Variants in CDH2 observed in about 807,000 individuals in gnomAD.
CDH2 encodes the protein cadherin-2.
A neutral mutation model predicts 92.0 loss-of-function variants in CDH2; 17 were observed. The observed-to-expected ratio is 0.18, with a 90% CI of 0.13 to 0.28. The LOEUF is 0.28. Ranked by LOEUF, CDH2 falls within the 10% of genes least tolerant of loss-of-function variation. The pLI, the probability that CDH2 is intolerant of heterozygous loss-of-function variation, is 1.00. For synonymous variants in CDH2, 419 were observed against 415.9 expected, an observed-to-expected ratio of 1.01 and a Z score of -0.09; for missense variants, 862 against 1,133.1, an observed-to-expected ratio of 0.76 and a Z score of 3.44.
chr18:28,065,595 T>C (rs1285567091), intron 2 of CDH2, among the ~76,000 whole-genome samples: 2 of 152,214 alleles, frequency 1.3e-5, no homozygotes, highest in Non-Finnish European at 2.9e-5. Flanking sequence ...ATCCAGTCAT[T>C]GTCAACCTTC....
At chr18:28,090,130 T>C (rs1460119667) in intron 2 of CDH2, among the ~76,000 whole-genome samples, 1 of 152,192 alleles carries the variant, frequency 6.6e-6, no homozygotes, top group Non-Finnish European at 1.5e-5. Flanking sequence ...TTTTAATTTA[T>C]AAACAAAACA....
intron 2 of CDH2, among the ~76,000 whole-genome samples, chr18:28,147,188 C>G (rs1227605394): frequency 6.6e-6 from 1 of 152,030 alleles, no homozygotes; most frequent in Non-Finnish European, 1.5e-5. Flanking sequence ...GAATTTCATA[C>G]TCTTGCACTG....
intron 2 of CDH2, among the ~76,000 whole-genome samples, chr18:28,082,369 C>T (rs957822602): frequency 6.6e-6 from 1 of 152,082 alleles, no homozygotes; most frequent in African/African-American, 2.4e-5. Context: ...TATGATCACA[C>T]AACTGTACTT....
chr18:28,079,009 G>A (rs2014778363), intron 2 of CDH2, among the ~76,000 whole-genome samples: 1 of 152,090 alleles, frequency 6.6e-6, no homozygotes, highest in South Asian at 2.1e-4. Flanking sequence ...ATGGGCTGTT[G>A]GTTCCTTAAG....
intron 2 of CDH2, among the ~76,000 whole-genome samples, chr18:28,142,632 T>A (rs1302585389): frequency 6.6e-6 from 1 of 151,914 alleles, no homozygotes. Context: ...CAGGATGACA[T>A]TTCATTTTTT....
intron 2 of CDH2, among the ~76,000 whole-genome samples, chr18:28,135,138 C>T (rs916990446): frequency 5.9e-5 from 9 of 152,168 alleles, no homozygotes; most frequent in African/African-American, 9.7e-5. Flanking sequence ...CTACCTGACT[C>T]ATAGGGTGTG....
chr18:28,164,842 T>G lies in CDH2; in HGVS notation c.60+12121A>C, dbSNP rs181014441. On this transcript the variant is annotated intron_variant, in intron 1 of 15. Transcript: ENST00000269141. ...GGCAGAATTAACACTCTACATACAC[T>G]AATTCCTTCCCCTAATTATAAAGAC... Among the ~76,000 whole-genome samples, 140 of 152,304 alleles carry G rather than the reference T, an allele frequency of 9.2e-4. 2 individuals are homozygous for G. The highest frequency in any genetic ancestry group is 3.3e-3 in the African/African-American group (136 of 41,578).
chr18:27,942,159 G>T (rs1244754272), intron 6 of CDH2, among the ~76,000 whole-genome samples: 1 of 152,164 alleles, frequency 6.6e-6, no homozygotes, highest in South Asian at 2.1e-4. Flanking sequence ...AGGGCAAAAA[G>T]AATATGTATG....
intron 11 of CDH2, among the ~76,000 whole-genome samples, chr18:27,985,995 C>T (rs372013544): frequency 3.4e-4 from 52 of 152,218 alleles, no homozygotes; most frequent in Middle Eastern, 3.4e-3. Flanking sequence ...AGCAAGGTGA[C>T]GAAGAATGCC....
At chr18:28,145,863 C>T (rs985282434) in intron 2 of CDH2, among the ~76,000 whole-genome samples, 2 of 151,588 alleles carry the variant, frequency 1.3e-5, no homozygotes, top group Non-Finnish European at 2.9e-5. Flanking sequence ...AAATTGGGAA[C>T]AAGTGGATAT....
At chr18:28,026,493 A>C (rs1454780908) in intron 2 of CDH2, among the ~76,000 whole-genome samples, 1 of 152,104 alleles carries the variant, frequency 6.6e-6, no homozygotes, top group African/African-American at 2.4e-5. Context: ...AGAATGACAG[A>C]GGTATCAAGG....
chr18:28,158,429 T>C (rs756047608), intron 1 of CDH2, among the ~76,000 whole-genome samples: 16 of 152,192 alleles, frequency 1.1e-4, no homozygotes, highest in Non-Finnish European at 1.8e-4. Context: ...GGACAAGCAT[T>C]GTCCACCCAT....
downstream of CDH2, among the ~76,000 whole-genome samples, chr18:27,947,270 AT>A (rs1909291167): frequency 6.6e-6 from 1 of 151,852 alleles, no homozygotes. Flanking sequence ...AAAAAATGCT[AT>A]AAAAAGTAGA....
intron 2 of CDH2, among the ~76,000 whole-genome samples, chr18:28,122,676 A>G (rs2015611901): frequency 1.3e-5 from 2 of 152,160 alleles, no homozygotes; most frequent in South Asian, 4.1e-4. Context: ...ATAAAACACT[A>G]AGAAATAAAC....
At chr18:28,163,285 T>C (rs574376818) in intron 1 of CDH2, among the ~76,000 whole-genome samples, 2 of 152,354 alleles carry the variant, frequency 1.3e-5, no homozygotes, top group African/African-American at 2.4e-5. Context: ...CAGACCAGTA[T>C]GGAAAACACA....
intron 6 of CDH2, among the ~76,000 whole-genome samples, chr18:27,934,892 A>G (rs932054745): frequency 6.6e-6 from 1 of 152,126 alleles, no homozygotes; most frequent in Non-Finnish European, 1.5e-5. Context: ...TCAGCTTTTT[A>G]TAACCCAAGA....
chr18:28,110,768 A>G (rs1385602612), intron 2 of CDH2, among the ~76,000 whole-genome samples: 1 of 152,162 alleles, frequency 6.6e-6, no homozygotes, highest in African/African-American at 2.4e-5. Flanking sequence ...AAAGACACCT[A>G]TATCTATATA....
At chr18:28,083,659 A>C (rs1232643243) in intron 2 of CDH2, among the ~76,000 whole-genome samples, 1 of 152,144 alleles carries the variant, frequency 6.6e-6, no homozygotes, top group African/African-American at 2.4e-5. Flanking sequence ...AGTTCCCTAT[A>C]CCTTACTTAA....
chr18:28,137,737 T>A (rs2015887588), intron 2 of CDH2, among the ~76,000 whole-genome samples: 4 of 152,124 alleles, frequency 2.6e-5, no homozygotes, highest in Admixed American at 6.5e-5. Flanking sequence ...CTATAGATGT[T>A]CTTTAATAAA....
Sources: gnomAD v4.1 joint callset for allele counts (sites outside exome capture counted in the v4.1 genomes callset) on GRCh38, gnomAD v4.1.1 for gene constraint, MANE v1.5 for transcripts, NCBI Gene and HGNC (gene_info 2026-07-23, HGNC 2026-07-21) for gene names.